The following HLCS variants were observed in gnomAD, a reference collection of about 807,000 sequenced individuals.
The protein encoded by HLCS is holocarboxylase synthetase, also known as biotin--protein ligase.
In HLCS, 53 loss-of-function variants were observed where a neutral mutation model predicts 75.0. The ratio of observed to expected loss-of-function variants is 0.71; its 90% CI spans 0.57 to 0.89. HLCS has a LOEUF of 0.89. HLCS is among the 40% of genes least tolerant of loss of function. HLCS has a pLI of 0.00. For missense variants in HLCS, 966 were observed against 1,074.0 expected, an observed-to-expected ratio of 0.90 and a Z score of 1.41; for synonymous variants, 431 against 428.6, an observed-to-expected ratio of 1.01 and a Z score of -0.07.
rs531376362 is a variant in HLCS at position 36,933,546 on chromosome 21, C to T, written c.1437+2903G>A. 1.1e-3 allele frequency among the ~76,000 whole-genome samples: 123 copies of T among 112,934 alleles called. 2 individuals carry two copies. In the South Asian group the frequency reaches 0.031, roughly 28 times the overall value. The allele number at this position is 112,934 out of a possible 152,430, so 74.1% of individuals were successfully genotyped here. ...ATCCTAGGCAGTAAGAATGAAACTC[C>T]GTCTCAAAAAAAAAAAAAAAAAAAA... On this transcript the variant is annotated intron_variant, in intron 4 of 10. Transcript: ENST00000674895.
At chr21:36,868,896 C>T (rs937213974) in intron 6 of HLCS, among the ~76,000 whole-genome samples, 1 of 152,128 alleles carries the variant, frequency 6.6e-6, no homozygotes, top group Non-Finnish European at 1.5e-5. Context: ...GAAGTGAAGG[C>T]TCTGTCCCCT....
chr21:36,976,119 G>A (rs1224397193), intron 1 of HLCS, among the ~76,000 whole-genome samples: 3 of 152,146 alleles, frequency 2.0e-5, no homozygotes. Context: ...AAATAGAAAT[G>A]AAACTCAAGA....
rs150836855 is a variant in HLCS at position 36,816,831 on chromosome 21, CCA to C, written c.1893-49548_1893-49547del. ...GTCCTCCCTGCTTCTTGCCTTACAT[CCA>C]CAGGTGTGAGGGAAATTGGTGGTAA... is the stretch of plus-strand genomic sequence containing the variant. On this transcript the variant is annotated intron_variant, in intron 6 of 10. Coordinates refer to ENST00000674895, the MANE Select transcript of HLCS (RefSeq NM_001352514.2). Among the ~76,000 whole-genome samples, 11 of 152,302 alleles carry C rather than the reference CCA, an allele frequency of 7.2e-5. No homozygotes were observed. In the East Asian group the frequency reaches 2.1e-3, roughly 29 times the overall value.
intron 6 of HLCS, among the ~76,000 whole-genome samples, chr21:36,835,027 G>A (rs1046635463): frequency 2.0e-5 from 3 of 152,166 alleles, no homozygotes; most frequent in South Asian, 2.1e-4. Flanking sequence ...GAAGATTCTC[G>A]AGATTCCCAG....
At chr21:36,978,876 C>T (rs1213677910) in intron 1 of HLCS, among the ~76,000 whole-genome samples, 1 of 152,158 alleles carries the variant, frequency 6.6e-6, no homozygotes, top group Non-Finnish European at 1.5e-5. Context: ...CATGAGGGGC[C>T]AGTGAGTCAC....
chr21:36,827,184 A>G (rs1053019379), intron 6 of HLCS, among the ~76,000 whole-genome samples: 5 of 152,144 alleles, frequency 3.3e-5, no homozygotes, highest in African/African-American at 1.2e-4. Context: ...TTTTGGGAGT[A>G]AAAAAGGATG....
intron 6 of HLCS, among the ~76,000 whole-genome samples, chr21:36,823,624 T>G (rs1321436020): frequency 1.3e-5 from 2 of 151,512 alleles, no homozygotes; most frequent in Non-Finnish European, 2.9e-5. Flanking sequence ...TGTGTGTGTG[T>G]GTGTGTGTGT....
intron 8 of HLCS, 94 bp downstream of exon 8, chr21:36,764,918 C>T: frequency 1.4e-6 from 2 of 1,395,368 alleles, no homozygotes; most frequent in Non-Finnish European, 2.0e-6. Context: ...TGAGGTTCTA[C>T]AGCCACCAAT....
chr21:36,825,305 T>C (rs756657880), intron 6 of HLCS, among the ~76,000 whole-genome samples: 5 of 152,078 alleles, frequency 3.3e-5, no homozygotes, highest in Non-Finnish European at 7.4e-5. Context: ...GGAGGATCAC[T>C]TGAGCCTAGA....
intron 5 of HLCS, among the ~76,000 whole-genome samples, chr21:36,925,112 T>C (rs928909152): frequency 3.3e-5 from 5 of 152,250 alleles, no homozygotes; most frequent in Admixed American, 6.5e-5. Context: ...CAGTAAAAAT[T>C]TGGGGTTAAA....
intron 5 of HLCS, among the ~76,000 whole-genome samples, chr21:36,913,146 A>G (rs1435363492): frequency 1.3e-5 from 2 of 152,128 alleles, no homozygotes; most frequent in African/African-American, 4.8e-5. Flanking sequence ...GACCCCAGAC[A>G]GCATTAACGA....
At chr21:36,945,446 G>T (rs6517395) in intron 2 of HLCS, among the ~76,000 whole-genome samples, 96,684 of 151,986 alleles carry the variant, frequency 0.64, 31,436 homozygotes, top group African/African-American at 0.76. Flanking sequence ...AATGTATATA[G>T]CTATACAGAG....
At chr21:36,820,190 G>A (rs1218750766) in intron 6 of HLCS, among the ~76,000 whole-genome samples, 1 of 150,902 alleles carries the variant, frequency 6.6e-6, no homozygotes, top group African/African-American at 2.4e-5. Context: ...CATGAGTTGG[G>A]GACTAGGGGG....
chr21:36,906,850 G>A (rs151111080), intron 5 of HLCS, among the ~76,000 whole-genome samples: 64 of 152,288 alleles, frequency 4.2e-4, no homozygotes, highest in African/African-American at 1.4e-3. Context: ...ACAGAGATAG[G>A]TATAGATTAC....
At chr21:36,813,401 G>A (rs2061568377) in intron 6 of HLCS, among the ~76,000 whole-genome samples, 1 of 152,190 alleles carries the variant, frequency 6.6e-6, no homozygotes, top group Admixed American at 6.5e-5. Context: ...ACTTGTTCTT[G>A]AAAGGTTGAG....
intron 1 of HLCS, among the ~76,000 whole-genome samples, chr21:36,965,124 G>A (rs1386481081): frequency 6.6e-6 from 1 of 152,170 alleles, no homozygotes; most frequent in African/African-American, 2.4e-5. Flanking sequence ...ACAAGAAAGA[G>A]TATTTTTTAT....
At chr21:36,786,429 G>A (rs1456317602) in intron 6 of HLCS, among the ~76,000 whole-genome samples, 6 of 152,042 alleles carry the variant, frequency 3.9e-5, no homozygotes, top group East Asian at 1.9e-4. Flanking sequence ...CACTGGGAAC[G>A]TTCCAAAATT....
chr21:36,790,031 T>C (rs548572759), intron 6 of HLCS, among the ~76,000 whole-genome samples: 3 of 152,362 alleles, frequency 2.0e-5, no homozygotes, highest in Admixed American at 1.3e-4. Flanking sequence ...GTTGCTCTAA[T>C]GTACACTCCC....
chr21:36,894,244 C>A (rs2064917209), intron 6 of HLCS, among the ~76,000 whole-genome samples: 1 of 152,216 alleles, frequency 6.6e-6, no homozygotes, highest in Admixed American at 6.5e-5. Flanking sequence ...TCCTGTACAG[C>A]CTGCAGAACT....
Sources: gnomAD v4.1 joint callset for allele counts (sites outside exome capture counted in the v4.1 genomes callset) on GRCh38, gnomAD v4.1.1 for gene constraint, MANE v1.5 for transcripts, NCBI Gene and HGNC (gene_info 2026-07-23, HGNC 2026-07-21) for gene names.